The following RXFP1 variants were observed in gnomAD, a reference collection of about 807,000 sequenced individuals.
RXFP1 encodes relaxin family peptide receptor 1, also known as relaxin receptor 1.
A neutral mutation model predicts 89.8 loss-of-function variants in RXFP1; 73 were observed. That is an observed-to-expected ratio of 0.81 (90% CI 0.67 to 0.99). RXFP1 has a LOEUF of 0.99. RXFP1 is among the 50% of genes least tolerant of loss of function. RXFP1 has a pLI of 0.00. For synonymous variants in RXFP1, 277 were observed against 305.5 expected (o/e 0.91, Z 0.97); for missense variants, 793 against 895.5 (o/e 0.89, Z 1.46).
rs527618036 is a variant in RXFP1 at position 158,591,508 on chromosome 4, C to T, written c.188-1893C>T. On this transcript the variant is annotated intron_variant, in intron 2 of 17. Transcript: ENST00000307765. Reference sequence around the variant, plus strand: ...CACGCCTAATAATCCCAGCACTTTTCGAGGCCAAAGCAGGTAGATCACCTC... The same window carrying T: ...CACGCCTAATAATCCCAGCACTTTTTGAGGCCAAAGCAGGTAGATCACCTC... Among the ~76,000 whole-genome samples, 191 of 150,746 alleles carry T rather than the reference C, an allele frequency of 1.3e-3. 1 individual carries two copies. Among genetic ancestry groups the T allele is most frequent in the Non-Finnish European group, 2.2e-3 (151 of 67,852 alleles).
At position 158,550,294 on chromosome 4, in the gene RXFP1, G is replaced by A. The variant is rs532675922; in HGVS notation, c.50-22404G>A. Among the ~76,000 whole-genome samples, 26 of 152,340 alleles carry A rather than the reference G, an allele frequency of 1.7e-4. 1 individual carries two copies. The highest frequency in any genetic ancestry group is 3.4e-3 in the Middle Eastern group (1 of 294). On this transcript the variant is annotated intron_variant, in intron 1 of 17. Coordinates refer to ENST00000307765, the MANE Select transcript of RXFP1 (RefSeq NM_021634.4). Reference sequence around the variant, plus strand: ...TCCTGGTGTGCCATTTTTTAAGCCCGTTGGAAAAGCACAGTATTAGGGTAG... The same window carrying A: ...TCCTGGTGTGCCATTTTTTAAGCCCATTGGAAAAGCACAGTATTAGGGTAG...
chr4:158,565,526 A>C (rs545959172), intron 1 of RXFP1, among the ~76,000 whole-genome samples: 39 of 152,186 alleles, frequency 2.6e-4, no homozygotes, highest in Non-Finnish European at 4.9e-4. Flanking sequence ...ACAGGGCTAT[A>C]GCAGGGAAAA....
intron 2 of RXFP1, among the ~76,000 whole-genome samples, chr4:158,577,294 C>T (rs1204438912): frequency 6.6e-6 from 1 of 152,144 alleles, no homozygotes; most frequent in African/African-American, 2.4e-5. Context: ...GCCTCGGCCT[C>T]CTAAAGTGCT....
At position 158,615,717 on chromosome 4, in the gene RXFP1, G is replaced by C. The variant is rs868689970; in HGVS notation, c.681-1414G>C. On this transcript the variant is annotated intron_variant, in intron 8 of 17. Coordinates refer to ENST00000307765, the MANE Select transcript of RXFP1 (RefSeq NM_021634.4). ...CTCATGCTTTGGGAGATTGAGGAGA[G>C]AGGATAGCTTGCAGCCAGGAGTTTG... Among the ~76,000 whole-genome samples, 20 of 152,070 alleles carry C rather than the reference G, an allele frequency of 1.3e-4. 1 individual carries two copies. The highest frequency in any genetic ancestry group is 4.6e-4 in the African/African-American group (19 of 41,416).
chr4:158,595,082 T>C (rs1192589337), intron 3 of RXFP1, among the ~76,000 whole-genome samples: 59 of 152,154 alleles, frequency 3.9e-4, no homozygotes, highest in Non-Finnish European at 4.4e-5. Context: ...TTTAAAAGAG[T>C]AAAATTTTAC....
chr4:158,610,032 G>A (rs1462160572), intron 6 of RXFP1, among the ~76,000 whole-genome samples: 2 of 152,268 alleles, frequency 1.3e-5, no homozygotes, highest in East Asian at 3.9e-4. Flanking sequence ...TTGGGAGGCT[G>A]AGGTGGAAGG....
chr4:158,639,632 G>A (rs537313883), intron 14 of RXFP1, among the ~76,000 whole-genome samples: 13 of 152,108 alleles, frequency 8.5e-5, no homozygotes, highest in Non-Finnish European at 1.5e-4. Flanking sequence ...CACTTTGGGC[G>A]GCCGAGGTGG....
At chr4:158,579,181 C>G (rs1756845544) in intron 2 of RXFP1, among the ~76,000 whole-genome samples, 1 of 151,810 alleles carries the variant, frequency 6.6e-6, no homozygotes, top group Non-Finnish European at 1.5e-5. Context: ...AGATTCTCCC[C>G]CTAAACCTTC....
At chr4:158,542,090 TA>T (rs1560973041) in intron 1 of RXFP1, among the ~76,000 whole-genome samples, 26 of 35,834 alleles carry the variant, frequency 7.3e-4, no homozygotes, top group South Asian at 1.6e-3. Flanking sequence ...TATATATATA[TA>T]TATATATATA....
intron 3 of RXFP1, among the ~76,000 whole-genome samples, chr4:158,596,065 G>A (rs1760522180): frequency 6.6e-6 from 1 of 151,526 alleles, no homozygotes; most frequent in Admixed American, 6.6e-5. Context: ...CTGTGATTGA[G>A]CCACTGTGCT....
At chr4:158,524,570 T>C (rs1248532337) in intron 1 of RXFP1, among the ~76,000 whole-genome samples, 1 of 152,192 alleles carries the variant, frequency 6.6e-6, no homozygotes, top group Non-Finnish European at 1.5e-5. Context: ...TTGAGAATTT[T>C]TCATTCTTTA....
intron 14 of RXFP1, among the ~76,000 whole-genome samples, chr4:158,642,096 C>CT (rs144853904): frequency 0.037 from 5,566 of 148,924 alleles, 310 homozygotes; most frequent in African/African-American, 0.13. Context: ...AATATAACTT[C>CT]TTTTTTTTTT....
chr4:158,598,189 G>A (rs1232403769), intron 3 of RXFP1, among the ~76,000 whole-genome samples: 3 of 152,150 alleles, frequency 2.0e-5, no homozygotes, highest in Non-Finnish European at 4.4e-5. Context: ...AACTCTCATA[G>A]ACGGTTTTGT....
In RXFP1 at chr4:158,563,590, A is replaced by G. The variant is rs144931732; in HGVS notation, c.50-9108A>G. On this transcript the variant is annotated intron_variant, in intron 1 of 17. Transcript: ENST00000307765. ...ATTAACACATGCAAAAGAGACCAATAATCTATGGGGCAATAATCAATGTAT... is the reference window on the plus strand; with the variant it reads ...ATTAACACATGCAAAAGAGACCAATGATCTATGGGGCAATAATCAATGTAT... 1.4e-3 allele frequency among the ~76,000 whole-genome samples: 219 copies of G among 151,806 alleles called. 2 individuals are homozygous for G. The highest frequency in any genetic ancestry group is 5.0e-3 in the African/African-American group (209 of 41,410).
At chr4:158,646,766 AT>A in intron 15 of RXFP1, 24 bp from the exon 16 acceptor site, 1 of 1,535,270 alleles carries the variant, frequency 6.5e-7, no homozygotes, top group Non-Finnish European at 8.8e-7. Flanking sequence ...ATTTCTCTAA[AT>A]TTGTGAAACT....
Position 158,599,234 on chromosome 4 carries a change from T to A in RXFP1, c.287-92T>A, listed in dbSNP as rs757375341. The A allele has an allele frequency of 3.2e-6, 5 of 1,578,672 alleles. No homozygotes were observed. In the Admixed American group the frequency reaches 9.0e-5, roughly 28 times the overall value. Reference sequence around the variant, plus strand: ...CATGATATGCTTTTGTACTAAATGATTTTCTCATAGCTTTTCATTTCTTTC... The same window carrying A: ...CATGATATGCTTTTGTACTAAATGAATTTCTCATAGCTTTTCATTTCTTTC... On this transcript the variant is annotated intron_variant, in intron 3 of 17. Transcript: ENST00000307765.
intron 10 of RXFP1, among the ~76,000 whole-genome samples, 188 bp from the exon 11 acceptor site, chr4:158,628,450 T>C (rs1767353973): frequency 6.6e-6 from 1 of 152,224 alleles, no homozygotes; most frequent in Non-Finnish European, 1.5e-5. Flanking sequence ...TCTATTATTA[T>C]CATCATCAAA....
At chr4:158,572,607 A>T (rs1755318462) in intron 1 of RXFP1, 91 bp from the exon 2 acceptor site, 10 of 1,174,290 alleles carry the variant, frequency 8.5e-6, no homozygotes, top group Non-Finnish European at 1.3e-5. Flanking sequence ...GAGAAAGACA[A>T]ATGATTATAA....
chr4:158,586,461 G>A (rs767491154), intron 2 of RXFP1, among the ~76,000 whole-genome samples: 7 of 151,852 alleles, frequency 4.6e-5, no homozygotes, highest in Non-Finnish European at 7.4e-5. Context: ...TCTTCTGTGC[G>A]GTGCTTGTTC....
Sources: allele counts gnomAD v4.1 joint callset (sites outside exome capture counted in the v4.1 genomes callset), GRCh38; gene constraint gnomAD v4.1.1; transcripts MANE v1.5; gene names NCBI Gene and HGNC (gene_info 2026-07-23, HGNC 2026-07-21).